Variants in CFAP73 observed in about 807,000 individuals in gnomAD.
The protein encoded by CFAP73 is cilia and flagella associated protein 73.
Under a neutral mutation model 42.9 loss-of-function variants are expected in CFAP73, and 33 were observed. The observed-to-expected ratio is 0.77, with a 90% confidence interval of 0.58 to 1.03. The LOEUF (loss-of-function observed/expected upper bound fraction) is 1.03, where lower values mean the gene tolerates loss of function less well. CFAP73 is among the 50% of genes least tolerant of loss of function. The probability of loss-of-function intolerance (pLI) is 0.00; values close to 1 mark genes in which losing one functional copy is unlikely to be tolerated. For missense variants in CFAP73, 392 were observed against 411.9 expected, an observed-to-expected ratio of 0.95 and a Z score of 0.42; for synonymous variants, 162 against 186.8, an observed-to-expected ratio of 0.87 and a Z score of 1.08.
At position 113,149,788 on chromosome 12, in the gene CFAP73, C is replaced by T. The variant is rs1952046116; in HGVS notation, c.-70C>T. The T allele has an allele frequency of 2.7e-6, 4 of 1,486,822 alleles. No homozygotes were observed. Among genetic ancestry groups the T allele is most frequent in the Non-Finnish European group, 3.7e-6 (4 of 1,090,180 alleles). The allele number at this position is 1,486,822 out of a possible 1,614,324, so 92.1% of individuals were successfully genotyped here. ...GGCTTCCACACCACGCTCCACAGAA[C>T]CCCCAGGGTCTCCTAAGCTTGTGCA... On this transcript the variant is annotated 5_prime_UTR_variant, in exon 1 of 8. Transcript: ENST00000335621.
rs1010350178 is a variant in CFAP73 at position 113,155,299 on chromosome 12, A to G, written c.730A>G (p.Lys244Glu). 6.5e-7 allele frequency: 1 copy of G among 1,549,664 alleles called. No individual in the cohort carries two copies. The highest frequency in any genetic ancestry group is 8.7e-7 in the Non-Finnish European group (1 of 1,145,576). ...WIQIQNTAAEKTLLLGRSRMA... is the reference protein window; with the variant it reads ...WIQIQNTAAEETLLLGRSRMA... Reference sequence around the variant, plus strand: ...TCAGATTCAGAACACAGCAGCGGAGAAGACTCTGCTCCTGGGACGCAGCAG... The same window carrying G: ...TCAGATTCAGAACACAGCAGCGGAGGAGACTCTGCTCCTGGGACGCAGCAG... Residue 244 changes from lysine to glutamate, a missense_variant, in exon 6 of 8, where the codon AAG becomes GAG. Transcript: ENST00000335621.
rs1345840115 is a variant in CFAP73 at position 113,154,712 on chromosome 12, T to C, written c.690+77T>C. 2.2e-6 allele frequency: 3 copies of C among 1,371,184 alleles called. No individual in the cohort carries two copies. The highest frequency in any genetic ancestry group is 2.8e-6 in the Non-Finnish European group (3 of 1,070,926). The allele number at this position is 1,371,184 out of a possible 1,614,324, so 84.9% of individuals were successfully genotyped here. ...GGGCGGGGAGGAACGCCAGGGCTGATGAGGACCGATGGGGCAATGCTTACC... is the reference window on the plus strand; with the variant it reads ...GGGCGGGGAGGAACGCCAGGGCTGACGAGGACCGATGGGGCAATGCTTACC... On this transcript the variant is annotated intron_variant, in intron 5 of 7. Transcript: ENST00000335621. The surrounding 1 kb of genome is among the most constrained non-coding windows in gnomAD (Gnocchi z 4.7).
At chr12:113,156,121 G>A (rs1434847658) in intron 6 of CFAP73, among the ~76,000 whole-genome samples, 1 of 151,800 alleles carries the variant, frequency 6.6e-6, no homozygotes, top group Non-Finnish European at 1.5e-5. Flanking sequence ...GGTTTCACCA[G>A]GTTGGCCAGG....
intron 6 of CFAP73, chr12:113,157,349 G>A (rs992146615): frequency 1.8e-6 from 1 of 566,454 alleles, no homozygotes. Flanking sequence ...ATTGGATAGT[G>A]CAGGTGACAG....
intron 5 of CFAP73, 112 bp from the exon 6 acceptor site, chr12:113,155,148 C>G (rs982256623): frequency 1.0e-6 from 1 of 965,644 alleles, no homozygotes. Flanking sequence ...CCAGCCTGGG[C>G]GACAAAGCTA....
rs147564593 is a variant in CFAP73 at position 113,151,195 on chromosome 12, A to C, written c.57-723A>C. Among the ~76,000 whole-genome samples the C allele has an allele frequency of 3.6e-3, 555 of 152,276 alleles. 4 individuals are homozygous for C. The highest frequency in any genetic ancestry group is 0.012 in the African/African-American group (502 of 41,544). ...AGGACAATTTGTTCAATGAATAAAG[A>C]ATTCAACCAGGTGCGGTGGCTCACA... On this transcript the variant is annotated intron_variant, in intron 1 of 7. Transcript: ENST00000335621.
intron 4 of CFAP73, among the ~76,000 whole-genome samples, chr12:113,153,733 C>G (rs1454389220): frequency 6.6e-6 from 1 of 152,056 alleles, no homozygotes; most frequent in Non-Finnish European, 1.5e-5. Flanking sequence ...GCTGGGACCA[C>G]AGGCGCACGC....
At position 113,154,396 on chromosome 12, in the gene CFAP73, C is replaced by T. The variant is rs1457462927; in HGVS notation, c.469-18C>T. 6.5e-7 allele frequency: 1 copy of T among 1,548,522 alleles called. No homozygotes were observed. Among genetic ancestry groups the T allele is most frequent in the South Asian group, 1.2e-5 (1 of 84,032 alleles). On this transcript the variant is annotated intron_variant, in intron 4 of 7. Transcript: ENST00000335621. This position sits in a 1 kb window ranked among gnomAD's most constrained non-coding sequence, Gnocchi z 4.7. ...CACTGCAGGCCCATGTGAGTCCCTT[C>T]CCCGCCCCCGACTCTAGTTCCAAGA...
chr12:113,151,879 T>G, intron 1 of CFAP73, 39 bp from the exon 2 acceptor site: 2 of 1,427,002 alleles, frequency 1.4e-6, no homozygotes, highest in Non-Finnish European at 1.9e-6. Context: ...CCCTGAAACA[T>G]GCTTCCTTCA....
intron 1 of CFAP73, among the ~76,000 whole-genome samples, chr12:113,151,380 G>T (rs1952059757): frequency 1.3e-5 from 2 of 152,188 alleles, no homozygotes; most frequent in Admixed American, 6.6e-5. Flanking sequence ...TACTTGGGAG[G>T]CTGAGGCAGG....
chr12:113,155,408 A>G lies in CFAP73; in HGVS notation c.839A>G (p.Gln280Arg). 6.5e-7 allele frequency: 1 copy of G among 1,549,384 alleles called. No homozygotes were observed. The change falls in exon 6 of 8, where the codon CAG becomes CGG. Residue 280 changes from glutamine to arginine, a missense_variant. Coordinates refer to ENST00000335621, the MANE Select transcript of CFAP73 (RefSeq NM_001144872.3). ...PTLDIEDTEG[Q>R]LEHVKLFMQD... ...CTGGACATCGAGGACACGGAGGGAC[A>G]GCTAGAGCACGTGAGGACCCCTCTT...
At chr12:113,151,700 G>C (rs920783662) in intron 1 of CFAP73, among the ~76,000 whole-genome samples, 1 of 151,296 alleles carries the variant, frequency 6.6e-6, no homozygotes, top group African/African-American at 2.4e-5. Context: ...CAAGAGACAA[G>C]ATGGGAGGAT....
chr12:113,154,553 C>T lies in CFAP73; in HGVS notation c.608C>T (p.Pro203Leu), dbSNP rs1358317185. The change falls in exon 5 of 8, where the codon CCG (proline) becomes CTG (leucine). Residue 203 changes from proline to leucine, a missense_variant. Physicochemically the swap from Pro to Leu is moderately conservative, Grantham distance 98. Transcript: ENST00000335621. This position sits in a 1 kb window ranked among gnomAD's most constrained non-coding sequence, Gnocchi z 4.7. Reference sequence around the variant, plus strand: ...CTGCAGCAGCTGCGGGACGCCTGGCCGGACGAGGTGCTCGCACAGGGCCAG... The same window carrying T: ...CTGCAGCAGCTGCGGGACGCCTGGCTGGACGAGGTGCTCGCACAGGGCCAG... ...ARLQQLRDAW[P>L]DEVLAQGQRR... 4.1e-6 allele frequency: 6 copies of T among 1,467,456 alleles called. No individual in the cohort carries two copies. Among genetic ancestry groups the T allele is most frequent in the African/African-American group, 3.0e-5 (2 of 67,232 alleles). The allele number at this position is 1,467,456 out of a possible 1,614,324, so 90.9% of individuals were successfully genotyped here. A position where few individuals can be genotyped will look rare whatever the true frequency, so the allele number is the denominator to read the frequency against.
intron 3 of CFAP73, 46 bp downstream of exon 3, chr12:113,152,933 C>T (rs769313977): frequency 1.4e-5 from 19 of 1,327,268 alleles, no homozygotes; most frequent in African/African-American, 2.9e-5. Flanking sequence ...TGGGTAGCAG[C>T]CCACACTCCT....
intron 4 of CFAP73, among the ~76,000 whole-genome samples, chr12:113,153,864 T>A (rs1952090084): frequency 6.6e-6 from 1 of 152,072 alleles, no homozygotes; most frequent in South Asian, 2.1e-4. Flanking sequence ...GCTCCCAAAG[T>A]GCTGGGATTA....
intron 2 of CFAP73, 98 bp from the exon 3 acceptor site, chr12:113,152,685 A>T (rs1952074229): frequency 1.2e-6 from 1 of 840,710 alleles, no homozygotes; most frequent in South Asian, 1.5e-5. Flanking sequence ...GCAGCCACAG[A>T]TCAGGGACAA....
intron 6 of CFAP73, 58 bp downstream of exon 6, chr12:113,155,476 G>A: frequency 1.3e-6 from 2 of 1,489,704 alleles, no homozygotes; most frequent in Non-Finnish European, 1.8e-6. Context: ...TTGGAAAAAT[G>A]AGCCTAAAAC....
intron 6 of CFAP73, among the ~76,000 whole-genome samples, chr12:113,156,472 G>GT (rs1237993677): frequency 6.6e-6 from 1 of 151,254 alleles, no homozygotes; most frequent in Non-Finnish European, 1.5e-5. Flanking sequence ...CTTTAATCCG[G>GT]TGTCTGAGGA....
Position 113,154,498 on chromosome 12 carries a change from C to T in CFAP73, c.553C>T (p.Leu185Phe), listed in dbSNP as rs1952098156. 3.3e-6 allele frequency: 5 copies of T among 1,534,768 alleles called. No homozygotes were observed. The highest frequency in any genetic ancestry group is 3.5e-6 in the Non-Finnish European group (4 of 1,142,196). The change falls in exon 5 of 8, where the codon CTC becomes TTC. Residue 185 changes from leucine to phenylalanine, a missense_variant. Transcript: ENST00000335621. The surrounding 1 kb of genome is among the most constrained non-coding windows in gnomAD (Gnocchi z 4.7). Reference sequence around the variant, plus strand: ...GCTGAGGCTCAGGGAGCGCGAGCAGCTCGCGGAGCTGGAGGCGGCGCGAGC... The same window carrying T: ...GCTGAGGCTCAGGGAGCGCGAGCAGTTCGCGGAGCTGGAGGCGGCGCGAGC... ...AALRLREREQ[L>F]AELEAARARL...
Sources: allele counts gnomAD v4.1 joint callset (sites outside exome capture counted in the v4.1 genomes callset), GRCh38; gene constraint gnomAD v4.1.1; non-coding constraint Gnocchi (gnomAD v3.1); transcripts MANE v1.5; gene names NCBI Gene and HGNC (gene_info 2026-07-23, HGNC 2026-07-21).